Variants in EYS observed in about 807,000 individuals in gnomAD.
EYS encodes protein eyes shut homolog.
In EYS, 250 loss-of-function variants were observed where a neutral mutation model predicts 282.1. The ratio of observed to expected loss-of-function variants is 0.89; its 90% CI spans 0.80 to 0.98. The LOEUF (loss-of-function observed/expected upper bound fraction) is 0.98. Among genes scored for constraint, EYS ranks in the 50% least tolerant of loss-of-function variants. The pLI is 0.00. For missense variants in EYS, 4,016 were observed against 3,709.0 expected (o/e 1.08, Z -2.15); for synonymous variants, 1,355 against 1,282.9 (o/e 1.06, Z -1.20).
Position 64,236,460 on chromosome 6 carries a change from A to G in EYS, c.6192-5636T>C, listed in dbSNP as rs1046321839. ...ATGTAATTAGGAGTGGAATTGCTGG[A>G]TTATATATTCTACGTTGAACATTTT... On this transcript the variant is annotated intron_variant, in intron 30 of 42. Coordinates refer to ENST00000503581, the MANE Select transcript of EYS (RefSeq NM_001142800.2). 3.9e-5 allele frequency among the ~76,000 whole-genome samples: 6 copies of G among 152,260 alleles called. No individual in the cohort carries two copies. In the East Asian group the frequency reaches 1.2e-3, roughly 29 times the overall value.
chr6:65,251,567 A>T (rs1217277809), intron 12 of EYS, among the ~76,000 whole-genome samples: 1 of 152,024 alleles, frequency 6.6e-6, no homozygotes, highest in Non-Finnish European at 1.5e-5. Context: ...GGGAAGATGG[A>T]ATAATGACAT....
chr6:64,259,328 T>G (rs558579962), intron 30 of EYS, among the ~76,000 whole-genome samples: 1 of 152,192 alleles, frequency 6.6e-6, no homozygotes, highest in Admixed American at 6.6e-5. Flanking sequence ...TAGATAGGCT[T>G]CTTTCTGAAT....
intron 12 of EYS, among the ~76,000 whole-genome samples, chr6:65,177,083 T>C (rs1204821552): frequency 6.6e-6 from 1 of 151,790 alleles, no homozygotes; most frequent in Non-Finnish European, 1.5e-5. Flanking sequence ...AATTTGTGAG[T>C]GTTTCAATTA....
chr6:64,013,887 A>G (rs1768761794), intron 33 of EYS, among the ~76,000 whole-genome samples: 1 of 152,144 alleles, frequency 6.6e-6, no homozygotes, highest in Non-Finnish European at 1.5e-5. Flanking sequence ...ATTCACTCTG[A>G]TGGTGAATGT....
intron 33 of EYS, among the ~76,000 whole-genome samples, chr6:64,049,666 C>A (rs1199964290): frequency 1.3e-5 from 2 of 152,084 alleles, no homozygotes; most frequent in Non-Finnish European, 2.9e-5. Context: ...TGTATTAGCC[C>A]AACTTGTGAC....
At chr6:65,062,270 T>G (rs9345594) in intron 12 of EYS, among the ~76,000 whole-genome samples, 1 of 151,918 alleles carries the variant, frequency 6.6e-6, no homozygotes, top group Admixed American at 6.6e-5. Flanking sequence ...CCTTATTAAC[T>G]GTGATAAATA....
intron 22 of EYS, among the ~76,000 whole-genome samples, chr6:64,762,666 TG>T (rs2149979670): frequency 6.6e-6 from 1 of 151,854 alleles, no homozygotes; most frequent in East Asian, 2.0e-4. Context: ...TGTTGGAGAA[TG>T]TAAACACACA....
intron 19 of EYS, among the ~76,000 whole-genome samples, chr6:64,837,344 T>C (rs2224746): frequency 0.83 from 125,994 of 151,064 alleles, 52,576 homozygotes; most frequent in East Asian, 0.87. Context: ...AAAATAAAGG[T>C]CATATATGAC....
At chr6:64,765,627 G>T (rs564756176) in intron 22 of EYS, among the ~76,000 whole-genome samples, 1 of 152,262 alleles carries the variant, frequency 6.6e-6, no homozygotes, top group South Asian at 2.1e-4. Context: ...AAGCATGATT[G>T]GGAGGACTCA....
intron 29 of EYS, among the ~76,000 whole-genome samples, chr6:64,315,574 C>G (rs547376889): frequency 6.6e-6 from 1 of 151,272 alleles, no homozygotes; most frequent in East Asian, 2.0e-4. Flanking sequence ...CTACCACGAT[C>G]AAGTCAGCTT....
chr6:64,970,370 A>T lies in EYS; in HGVS notation c.2260-24456T>A, dbSNP rs752058144. 2.0e-5 allele frequency among the ~76,000 whole-genome samples: 3 copies of T among 152,038 alleles called. No individual in the cohort carries two copies. The East Asian group carries it at 5.8e-4, about 30-fold the overall frequency. On this transcript the variant is annotated intron_variant, in intron 14 of 42. Coordinates refer to ENST00000503581, the MANE Select transcript of EYS (RefSeq NM_001142800.2). Reference sequence around the variant, plus strand: ...GGGCTCCTATGCCCGGCTAATTTTTATATTTTTAGTAGAGATGGGGTTTCG... The same window carrying T: ...GGGCTCCTATGCCCGGCTAATTTTTTTATTTTTAGTAGAGATGGGGTTTCG...
At chr6:63,911,349 C>A (rs1764245560) in intron 35 of EYS, among the ~76,000 whole-genome samples, 1 of 152,178 alleles carries the variant, frequency 6.6e-6, no homozygotes, top group Non-Finnish European at 1.5e-5. Context: ...AACTTATTCT[C>A]CAGCATAAAC....
At chr6:63,855,164 T>C (rs772609256) in intron 36 of EYS, among the ~76,000 whole-genome samples, 1 of 152,246 alleles carries the variant, frequency 6.6e-6, no homozygotes, top group African/African-American at 2.4e-5. Context: ...GAGTACTGTG[T>C]AGTGATCTAA....
At position 64,063,515 on chromosome 6, in the gene EYS, A is replaced by G. The variant is rs189107119; in HGVS notation, c.6725+2823T>C. Reference sequence around the variant, plus strand: ...TGTCACTTTAGTCCAAGCCACCATTATATCTTACTTGGATATACAGTAACC... The same window carrying G: ...TGTCACTTTAGTCCAAGCCACCATTGTATCTTACTTGGATATACAGTAACC... On this transcript the variant is annotated intron_variant, in intron 33 of 42. Coordinates refer to ENST00000503581, the MANE Select transcript of EYS (RefSeq NM_001142800.2). Among the ~76,000 whole-genome samples, 27 of 152,240 alleles carry G rather than the reference A, an allele frequency of 1.8e-4. No homozygotes were observed. The East Asian group carries it at 4.8e-3, about 27-fold the overall frequency.
intron 12 of EYS, among the ~76,000 whole-genome samples, chr6:65,117,557 C>T (rs578102266): frequency 2.6e-5 from 4 of 152,258 alleles, no homozygotes; most frequent in Admixed American, 1.3e-4. Flanking sequence ...TAAGTCCCTC[C>T]TCACATGAAC....
intron 12 of EYS, among the ~76,000 whole-genome samples, chr6:65,100,814 A>G (rs992258509): frequency 6.6e-6 from 1 of 150,880 alleles, no homozygotes; most frequent in Non-Finnish European, 1.5e-5. Flanking sequence ...TATCATAGGA[A>G]TCTTAAGATA....
At chr6:65,576,018 C>T (rs1288113819) in intron 2 of EYS, among the ~76,000 whole-genome samples, 1 of 151,976 alleles carries the variant, frequency 6.6e-6, no homozygotes, top group Non-Finnish European at 1.5e-5. Context: ...ACAATTAACA[C>T]CAATTCTTCT....
chr6:65,466,250 A>G (rs1274071263), intron 5 of EYS, among the ~76,000 whole-genome samples: 1 of 152,136 alleles, frequency 6.6e-6, no homozygotes, highest in Admixed American at 6.6e-5. Context: ...ATATAAGATA[A>G]TATTTTATTG....
intron 12 of EYS, among the ~76,000 whole-genome samples, chr6:65,131,469 T>C (rs1314280730): frequency 6.6e-6 from 1 of 152,030 alleles, no homozygotes; most frequent in East Asian, 1.9e-4. Flanking sequence ...AACAATATGC[T>C]CCTGAATGAG....
Sources: allele counts gnomAD v4.1 joint callset (sites outside exome capture counted in the v4.1 genomes callset), GRCh38; gene constraint gnomAD v4.1.1; transcripts MANE v1.5; gene names NCBI Gene and HGNC (gene_info 2026-07-23, HGNC 2026-07-21).